Variants in SLC39A3 observed in about 807,000 individuals in gnomAD.
The protein encoded by SLC39A3 is zinc transporter ZIP3.
In SLC39A3, 3 loss-of-function variants were observed where a neutral mutation model predicts 5.1. The ratio of observed to expected loss-of-function variants is 0.59; its 90% CI spans 0.27 to 1.54. SLC39A3 has a LOEUF of 1.54. Ranked by LOEUF, SLC39A3 falls within the 40% of genes most tolerant of loss-of-function variation. The probability of loss-of-function intolerance (pLI) is 0.12; values close to 1 mark genes in which losing one functional copy is unlikely to be tolerated. For synonymous variants in SLC39A3, 250 were observed against 218.8 expected, an observed-to-expected ratio of 1.14 and a Z score of -1.26; for missense variants, 412 against 436.4, an observed-to-expected ratio of 0.94 and a Z score of 0.50.
In SLC39A3 at chr19:2,733,920, G is replaced by A. The variant is rs553315341; in HGVS notation, c.211-435C>T. ...CGTGCCACTGCACTCCAGCCTGGGC[G>A]ACAGAGGGAGACTCCGGCTCAAAAT... On this transcript the variant is annotated intron_variant, in intron 2 of 2. Transcript: ENST00000269740. This position sits in a 1 kb window ranked among gnomAD's most constrained non-coding sequence, Gnocchi z 6.1. Among the ~76,000 whole-genome samples the A allele has an allele frequency of 2.6e-5, 4 of 152,326 alleles. No homozygotes were observed. Among genetic ancestry groups the A allele is most frequent in the East Asian group, 1.9e-4 (1 of 5,188 alleles).
intron 1 of SLC39A3, chr19:2,739,407 C>CA (rs1914478984): frequency 6.6e-6 from 1 of 152,284 alleles, no homozygotes; most frequent in African/African-American, 2.4e-5. Context: ...CCATCAGCCC[C>CA]AAGCGCCTCA....
chr19:2,733,461 G>T lies in SLC39A3; in HGVS notation c.235C>A (p.His79Asn). The change falls in exon 3 of 3, where the codon CAC becomes AAC. Residue 79 changes from histidine (H) to asparagine (N), a missense_variant. By Grantham distance (68) the His-to-Asn change is moderately conservative. Transcript: ENST00000269740. The surrounding 1 kb of genome is among the most constrained non-coding windows in gnomAD (Gnocchi z 6.1). ...GCCAGCGGGTAGTCGGTGCTGATGT[G>T]GCCGAGGCTCAGGACCTTCTGGAGC... Reference protein sequence around the residue: ...EKLQKVLSLGHISTDYPLAET... With the variant: ...EKLQKVLSLGNISTDYPLAET... 6.2e-7 allele frequency: 1 copy of T among 1,612,440 alleles called. No individual in the cohort carries two copies. The highest frequency in any genetic ancestry group is 8.5e-7 in the Non-Finnish European group (1 of 1,179,748).
Position 2,732,811 on chromosome 19 carries a change from C to T in SLC39A3, c.885G>A (p.Lys295=). Residue 295 remains lysine, a synonymous_variant, in exon 3 of 3, where the codon AAG becomes AAA. Transcript: ENST00000269740. ...ELEEKSDRLL[K]VLFLVLGYTV... Reference sequence around the variant, plus strand: ...TGTAGCCCAGCACCAGGAAGAGGACCTTGAGCAGACGGTCACTCTTCTCCT... The same window carrying T: ...TGTAGCCCAGCACCAGGAAGAGGACTTTGAGCAGACGGTCACTCTTCTCCT... 6.2e-7 allele frequency: 1 copy of T among 1,611,056 alleles called. No individual in the cohort carries two copies. The highest frequency in any genetic ancestry group is 8.5e-7 in the Non-Finnish European group (1 of 1,178,872).
rs114073647 is a variant in SLC39A3, at chr19:2,736,703, C to T, written c.210+345G>A. On this transcript the variant is annotated intron_variant, in intron 2 of 2. Transcript: ENST00000269740. The stretch of plus-strand genomic sequence containing the variant: ...GTGCTCAGTTTGCTATAATTTGTTA[C>T]GCAACAGTAGCTGACTGATATAGGA... 710 of 1,387,994 alleles carry T rather than the reference C, an allele frequency of 5.1e-4. 3 individuals are homozygous for T. The African/African-American group carries it at 9.0e-3, about 18-fold the overall frequency. 86.0% of individuals were successfully genotyped at this position (1,387,994 alleles called of 1,614,324 possible). A position where few individuals can be genotyped will look rare whatever the true frequency, so the allele number is the denominator to read the frequency against.
At chr19:2,738,729 G>A (rs1264714183) in intron 1 of SLC39A3, among the ~76,000 whole-genome samples, 1 of 152,076 alleles carries the variant, frequency 6.6e-6, no homozygotes, top group Non-Finnish European at 1.5e-5. Flanking sequence ...CTGAGGTCGA[G>A]AGTTCAAGAC....
Position 2,737,008 on chromosome 19 carries a change from A to G in SLC39A3, c.210+40T>C. ...AATGCATCAGAGTCCCTTGGCCATA[A>G]GGTGCCAAGGGCTGCTGCTAGTGCC... On this transcript the variant is annotated intron_variant, in intron 2 of 2. Transcript: ENST00000269740. 3 of 1,612,252 alleles carry G rather than the reference A, an allele frequency of 1.9e-6. No homozygotes were observed. The South Asian group carries it at 3.3e-5, about 18-fold the overall frequency.
In SLC39A3 at chr19:2,733,368, T is replaced by C. The variant is rs1914257563; in HGVS notation, c.328A>G (p.Lys110Glu). 6.2e-7 allele frequency: 1 copy of C among 1,613,186 alleles called. No homozygotes were observed. Among genetic ancestry groups the C allele is most frequent in the Non-Finnish European group, 8.5e-7 (1 of 1,179,986 alleles). Reference protein sequence around the residue: ...FLEQLILTFRKEKPSFIDLET... With the variant: ...FLEQLILTFREEKPSFIDLET... ...AGGTCGATGAAGGACGGCTTCTCCT[T>C]GCGGAAGGTCAGGATCAGCTGCTCC... Residue 110 changes from lysine (K) to glutamate (E), a missense_variant, in exon 3 of 3, where the codon AAG (lysine) becomes GAG (glutamate). Physicochemically the swap from Lys to Glu is moderately conservative, Grantham distance 56. Coordinates refer to ENST00000269740, the MANE Select transcript of SLC39A3 (RefSeq NM_144564.5). This position sits in a 1 kb window ranked among gnomAD's most constrained non-coding sequence, Gnocchi z 6.1.
At position 2,733,810 on chromosome 19, in the gene SLC39A3, G is replaced by C. The variant is rs894033568; in HGVS notation, c.211-325C>G. Among the ~76,000 whole-genome samples the C allele has an allele frequency of 6.6e-6, 1 of 152,100 alleles. No individual in the cohort carries two copies. The highest frequency in any genetic ancestry group is 6.5e-5 in the Admixed American group (1 of 15,270). On this transcript the variant is annotated intron_variant, in intron 2 of 2. Transcript: ENST00000269740. The surrounding 1 kb of genome is among the most constrained non-coding windows in gnomAD (Gnocchi z 6.1). ...ACAAAAATTAGCTGGGCATGGTGGC[G>C]AGCACCTGTAATCCCAGCTACTCAG...
intron 1 of SLC39A3, among the ~76,000 whole-genome samples, chr19:2,738,890 T>G (rs1162730343): frequency 1.3e-5 from 2 of 150,202 alleles, no homozygotes; most frequent in Non-Finnish European, 3.0e-5. Flanking sequence ...TGAGCCAAGA[T>G]CAAGCCATTG....
In SLC39A3 at chr19:2,733,297, A is replaced by G. The variant is rs80260792; in HGVS notation, c.399T>C (p.Tyr133=). Residue 133 remains tyrosine, a synonymous_variant, in exon 3 of 3, where the codon TAT becomes TAC. Coordinates refer to ENST00000269740, the MANE Select transcript of SLC39A3 (RefSeq NM_144564.5). This position sits in a 1 kb window ranked among gnomAD's most constrained non-coding sequence, Gnocchi z 6.1. ...GCGCGCCCCCCATGAAGGGGCTCTC[A>G]TACTCCGAGTCGCTGCCCACGTCCG... ...AGSDVGSDSE[Y]ESPFMGGARG... 1.4e-4 allele frequency: 227 copies of G among 1,612,872 alleles called. 2 individuals are homozygous for G. The East Asian group carries it at 5.0e-3, about 35-fold the overall frequency.
chr19:2,734,713 G>A lies in SLC39A3; in HGVS notation c.211-1228C>T, dbSNP rs1306226788. 4 of 982,232 alleles carry A rather than the reference G, an allele frequency of 4.1e-6. No individual in the cohort carries two copies. Among genetic ancestry groups the A allele is most frequent in the African/African-American group, 3.5e-5 (2 of 57,184 alleles). The allele number at this position is 982,232 out of a possible 1,614,324, so 60.8% of individuals were successfully genotyped here. On this transcript the variant is annotated intron_variant, in intron 2 of 2. Transcript: ENST00000269740. The surrounding 1 kb of genome is among the most constrained non-coding windows in gnomAD (Gnocchi z 4.6). ...GACAACCACAATGTCCCCAGGCATC[G>A]CCCAGTGTTCCCTGGGGGCAGTTCA...
In SLC39A3 at chr19:2,733,810, G is replaced by A. The variant is rs894033568; in HGVS notation, c.211-325C>T. On this transcript the variant is annotated intron_variant, in intron 2 of 2. Coordinates refer to ENST00000269740, the MANE Select transcript of SLC39A3 (RefSeq NM_144564.5). The surrounding 1 kb of genome is among the most constrained non-coding windows in gnomAD (Gnocchi z 6.1). The stretch of plus-strand genomic sequence containing the variant: ...ACAAAAATTAGCTGGGCATGGTGGC[G>A]AGCACCTGTAATCCCAGCTACTCAG... 9.9e-5 allele frequency among the ~76,000 whole-genome samples: 15 copies of A among 152,100 alleles called. No homozygotes were observed. Among genetic ancestry groups the A allele is most frequent in the African/African-American group, 3.4e-4 (14 of 41,418 alleles).
rs1411509366 is a variant in SLC39A3, at chr19:2,734,654, C to T, written c.211-1169G>A. ...TGCTGCTGAGCAGTGTCTCTGGCCT[C>T]CACCCACTCCAGGCCAGGAGCACCC... On this transcript the variant is annotated intron_variant, in intron 2 of 2. Coordinates refer to ENST00000269740, the MANE Select transcript of SLC39A3 (RefSeq NM_144564.5). The surrounding 1 kb of genome is among the most constrained non-coding windows in gnomAD (Gnocchi z 4.6). 2 of 830,304 alleles carry T rather than the reference C, an allele frequency of 2.4e-6. No individual in the cohort carries two copies. The highest frequency in any genetic ancestry group is 1.8e-5 in the African/African-American group (1 of 54,342). 51.4% of individuals were successfully genotyped at this position (830,304 alleles called of 1,614,324 possible). A position where few individuals can be genotyped will look rare whatever the true frequency, so the allele number is the denominator to read the frequency against.
chr19:2,732,863 A>C lies in SLC39A3; in HGVS notation c.833T>G (p.Phe278Cys), dbSNP rs1413994110. Residue 278 changes from phenylalanine (F) to cysteine (C), a missense_variant, in exon 3 of 3, where the codon TTC becomes TGC. Coordinates refer to ENST00000269740, the MANE Select transcript of SLC39A3 (RefSeq NM_144564.5). ...CAGCTCCTTGGCCAGGATCTCCAGG[A>C]AGGTGATGAAGAGGAAGGTGCCGCC... ...LAGGTFLFIT[F>C]LEILAKELEE... 2 of 1,611,984 alleles carry C rather than the reference A, an allele frequency of 1.2e-6. No homozygotes were observed. Among genetic ancestry groups the C allele is most frequent in the South Asian group, 1.1e-5 (1 of 91,034 alleles).
In SLC39A3 at chr19:2,732,939, C is replaced by T. The variant is rs756204992; in HGVS notation, c.757G>A (p.Ala253Thr). 6.3e-5 allele frequency: 102 copies of T among 1,608,192 alleles called. 1 individual carries two copies. Among genetic ancestry groups the T allele is most frequent in the Admixed American group, 5.4e-4 (32 of 59,638 alleles). Reference protein sequence around the residue: ...GIGLGLGIESAQGVPGSVASV... With the variant: ...GIGLGLGIESTQGVPGSVASV... ...GCCACGCTGCCCGGCACGCCCTGGGCGCTCTCAATGCCCAGGCCCAGGCCG... is the reference window on the plus strand; with the variant it reads ...GCCACGCTGCCCGGCACGCCCTGGGTGCTCTCAATGCCCAGGCCCAGGCCG... Residue 253 changes from alanine to threonine, a missense_variant, in exon 3 of 3, where the codon GCC (alanine) becomes ACC (threonine). Transcript: ENST00000269740.
rs764076462 is a variant in SLC39A3, at chr19:2,733,408, G to C, written c.288C>G (p.Phe96Leu). The C allele has an allele frequency of 2.5e-6, 4 of 1,612,994 alleles. No homozygotes were observed. In the East Asian group the frequency reaches 6.7e-5, roughly 27 times the overall value. Residue 96 changes from phenylalanine (F) to leucine (L), a missense_variant, in exon 3 of 3, where the codon TTC (phenylalanine) becomes TTG (leucine). By Grantham distance (22) the Phe-to-Leu change is conservative (BLOSUM62 0). Transcript: ENST00000269740. The surrounding 1 kb of genome is among the most constrained non-coding windows in gnomAD (Gnocchi z 6.1). Reference sequence around the variant, plus strand: ...TCAGCTGCTCCAGGAAGACGGTCATGAAGAAGCCCAGCAGGAGGATGGTTT... The same window carrying C: ...TCAGCTGCTCCAGGAAGACGGTCATCAAGAAGCCCAGCAGGAGGATGGTTT... Reference protein sequence around the residue: ...LAETILLLGFFMTVFLEQLIL... With the variant: ...LAETILLLGFLMTVFLEQLIL...
In SLC39A3 at chr19:2,734,015, C is replaced by T. The variant is rs1003692958; in HGVS notation, c.211-530G>A. 6.6e-6 allele frequency among the ~76,000 whole-genome samples: 1 copy of T among 152,198 alleles called. No homozygotes were observed. Among genetic ancestry groups the T allele is most frequent in the Non-Finnish European group, 1.5e-5 (1 of 68,038 alleles). On this transcript the variant is annotated intron_variant, in intron 2 of 2. Transcript: ENST00000269740. This position sits in a 1 kb window ranked among gnomAD's most constrained non-coding sequence, Gnocchi z 4.6. ...GCCTCCTCTCTGCTTCCCTGACCGA[C>T]ATGCCTGGGCCCGACTCTCCTCCTG...
rs200856729 is a variant in SLC39A3, at chr19:2,737,307, G to A, written c.-50C>T. The A allele has an allele frequency of 6.1e-4, 943 of 1,542,284 alleles. 2 individuals are homozygous for A. Among genetic ancestry groups the A allele is most frequent in the Non-Finnish European group, 6.5e-4 (746 of 1,140,466 alleles). On this transcript the variant is annotated 5_prime_UTR_variant, in exon 2 of 3. Coordinates refer to ENST00000269740, the MANE Select transcript of SLC39A3 (RefSeq NM_144564.5). ...CACTGCAGGGCCAAACCATCTGTGGGCGCACACCCAAGTCCCACGATGTGC... is the reference window on the plus strand; with the variant it reads ...CACTGCAGGGCCAAACCATCTGTGGACGCACACCCAAGTCCCACGATGTGC...
chr19:2,733,191 G>A lies in SLC39A3; in HGVS notation c.505C>T (p.Arg169Cys), dbSNP rs767988586. The change falls in exon 3 of 3, where the codon CGC becomes TGC. Residue 169 changes from arginine to cysteine, a missense_variant. Transcript: ENST00000269740. The surrounding 1 kb of genome is among the most constrained non-coding windows in gnomAD (Gnocchi z 6.1). Reference sequence around the variant, plus strand: ...AGCGCGAAGGCCAGGCTGAGCAGGCGCACGGGGCTGGCGCGCGAGAGGCCC... The same window carrying A: ...AGCGCGAAGGCCAGGCTGAGCAGGCACACGGGGCTGGCGCGCGAGAGGCCC... Reference protein sequence around the residue: ...VQGLSRASPVRLLSLAFALSA... With the variant: ...VQGLSRASPVCLLSLAFALSA... The A allele has an allele frequency of 7.5e-6, 12 of 1,607,764 alleles. No homozygotes were observed. In the South Asian group the frequency reaches 1.2e-4, roughly 16 times the overall value.
Sources: gnomAD v4.1 joint callset for allele counts (sites outside exome capture counted in the v4.1 genomes callset) on GRCh38, gnomAD v4.1.1 for gene constraint, Gnocchi (gnomAD v3.1) non-coding constraint, MANE v1.5 for transcripts, NCBI Gene and HGNC (gene_info 2026-07-23, HGNC 2026-07-21) for gene names.